The following NHLRC2 variants were observed in gnomAD, a reference collection of about 807,000 sequenced individuals.
The protein encoded by NHLRC2 is NHL repeat-containing protein 2.
In NHLRC2, 33 loss-of-function variants were observed where a neutral mutation model predicts 68.1. The ratio of observed to expected loss-of-function variants is 0.48; its 90% CI spans 0.37 to 0.65. NHLRC2 has a LOEUF of 0.65. NHLRC2 is among the 30% of genes least tolerant of loss of function. The probability of loss-of-function intolerance (pLI) is 0.00; values close to 1 mark genes in which losing one functional copy is unlikely to be tolerated. For synonymous variants in NHLRC2, 311 were observed against 309.6 expected, an observed-to-expected ratio of 1.00 and a Z score of -0.05; for missense variants, 761 against 853.8, an observed-to-expected ratio of 0.89 and a Z score of 1.35.
intron 5 of NHLRC2, among the ~76,000 whole-genome samples, chr10:113,889,039 C>A (rs995725445): frequency 1.3e-5 from 2 of 152,070 alleles, no homozygotes; most frequent in Non-Finnish European, 1.5e-5. Context: ...GTTGGCCAGG[C>A]TGTTCTCTAA....
At position 113,884,166 on chromosome 10, in the gene NHLRC2, A is replaced by G. The variant is rs552510619; in HGVS notation, c.910-85A>G. 1.9e-5 allele frequency: 24 copies of G among 1,248,392 alleles called. No individual in the cohort carries two copies. In the East Asian group the frequency reaches 3.1e-4, roughly 16 times the overall value. The allele number at this position is 1,248,392 out of a possible 1,614,324, so 77.3% of individuals were successfully genotyped here. ...ACTGCACATACACTCTAAATGTTCT[A>G]TTGACTATTGAAAATCTTTACACAG... On this transcript the variant is annotated intron_variant, in intron 4 of 10. Coordinates refer to ENST00000369301, the MANE Select transcript of NHLRC2 (RefSeq NM_198514.4).
chr10:113,865,291 C>A (rs543983968), intron 2 of NHLRC2, among the ~76,000 whole-genome samples: 25 of 142,808 alleles, frequency 1.8e-4, no homozygotes, highest in African/African-American at 5.1e-4. Flanking sequence ...TCCCCCCCCC[C>A]CGTTCCTCTC....
intron 3 of NHLRC2, among the ~76,000 whole-genome samples, chr10:113,878,352 C>A (rs375789507): frequency 2.8e-4 from 42 of 152,072 alleles, no homozygotes; most frequent in African/African-American, 9.9e-4. Context: ...CACTATATGT[C>A]TGGCATTATT....
In NHLRC2 at chr10:113,871,947, A is replaced by G. The variant is rs149474235; in HGVS notation, c.332-4574A>G. Among the ~76,000 whole-genome samples, 832 of 152,330 alleles carry G rather than the reference A, an allele frequency of 5.5e-3. 8 individuals carry two copies. The highest frequency in any genetic ancestry group is 0.018 in the African/African-American group (752 of 41,568). The stretch of plus-strand genomic sequence containing the variant: ...TGTAAGTCTGTGGATGCCAAGAACA[A>G]GTGTAGGGGAGACTTAAAAGACTCC... On this transcript the variant is annotated intron_variant, in intron 2 of 10. Coordinates refer to ENST00000369301, the MANE Select transcript of NHLRC2 (RefSeq NM_198514.4).
chr10:113,904,993 G>A lies in NHLRC2; in HGVS notation c.1881G>A (p.Lys627=). 1 of 1,548,764 alleles carries A rather than the reference G, an allele frequency of 6.5e-7. No individual in the cohort carries two copies. Among genetic ancestry groups the A allele is most frequent in the South Asian group, 1.3e-5 (1 of 79,650 alleles). Residue 627 remains lysine, a synonymous_variant, in exon 10 of 11, where the codon AAG becomes AAA. Transcript: ENST00000369301. The stretch of plus-strand genomic sequence containing the variant: ...GATTAGACCTCCCATCAGGATCAAA[G>A]CTAACTGAAGGAGTATCCAGTTGCT... ...KLRLDLPSGS[K]LTEGVSSCWF...
intron 5 of NHLRC2, 95 bp from the exon 6 acceptor site, chr10:113,898,013 CAT>C (rs1846191056): frequency 1.7e-6 from 1 of 584,998 alleles, no homozygotes. Context: ...GATTCACAAA[CAT>C]ATTGTTATCC....
At chr10:113,889,153 T>C (rs1022162775) in intron 5 of NHLRC2, among the ~76,000 whole-genome samples, 10 of 152,214 alleles carry the variant, frequency 6.6e-5, no homozygotes, top group Middle Eastern at 3.4e-3. Flanking sequence ...TCTAAGTACT[T>C]TAAGACTTTA....
chr10:113,876,775 A>G lies in NHLRC2; in HGVS notation c.586A>G (p.Lys196Glu), dbSNP rs1845985587. The change falls in exon 3 of 11, where the codon AAG (lysine) becomes GAG (glutamate). Residue 196 changes from lysine to glutamate, a missense_variant. By Grantham distance (56) the Lys-to-Glu change is moderately conservative (BLOSUM62 1). Coordinates refer to ENST00000369301, the MANE Select transcript of NHLRC2 (RefSeq NM_198514.4). ...ATTTTTATATACTTCAATTGCTTTA[A>G]AGTATTACAAAGACAGGGGGCAGAT... Reference protein sequence around the residue: ...KLFLYTSIALKYYKDRGQIRD... With the variant: ...KLFLYTSIALEYYKDRGQIRD... 1 of 1,611,380 alleles carries G rather than the reference A, an allele frequency of 6.2e-7. No homozygotes were observed. Among genetic ancestry groups the G allele is most frequent in the South Asian group, 1.1e-5 (1 of 90,996 alleles).
chr10:113,882,142 G>A (rs1171726530), intron 4 of NHLRC2, among the ~76,000 whole-genome samples: 3 of 151,686 alleles, frequency 2.0e-5, no homozygotes, highest in Non-Finnish European at 4.4e-5. Context: ...ATTTTGGGCT[G>A]TTATGAATAA....
At chr10:113,861,324 A>G (rs77092749) in intron 2 of NHLRC2, among the ~76,000 whole-genome samples, 2,540 of 152,342 alleles carry the variant, frequency 0.017, 68 homozygotes, top group African/African-American at 0.056. Context: ...GAAGTTTAGT[A>G]AACTCCAAGT....
At chr10:113,873,057 A>G (rs1845942639) in intron 2 of NHLRC2, among the ~76,000 whole-genome samples, 1 of 152,220 alleles carries the variant, frequency 6.6e-6, no homozygotes, top group African/African-American at 2.4e-5. Flanking sequence ...TAACTTACAA[A>G]GACATGTAAG....
At position 113,854,912 on chromosome 10, in the gene NHLRC2, C is replaced by T; in HGVS notation, c.40C>T (p.Leu14=). The change falls in exon 1 of 11, where the codon CTG becomes TTG. Residue 14 remains leucine, a synonymous_variant. Transcript: ENST00000369301. ...PGGRGRSLSG[L]LPAQTSLEYA... is the part of the protein sequence containing the mutation. ...AGGCCGGGGCCGCAGCCTCTCCGGC[C>T]TGCTCCCCGCGCAGACCTCGCTAGA... is the stretch of plus-strand genomic sequence containing the variant. 1.9e-6 allele frequency: 3 copies of T among 1,552,802 alleles called. No homozygotes were observed. The highest frequency in any genetic ancestry group is 1.4e-5 in the African/African-American group (1 of 73,270).
intron 2 of NHLRC2, 99 bp from the exon 3 acceptor site, chr10:113,876,422 A>G (rs545517337): frequency 6.0e-6 from 4 of 661,950 alleles, no homozygotes; most frequent in East Asian, 5.8e-5. Flanking sequence ...TTTTTAATCT[A>G]TGGACTTTTA....
At position 113,880,140 on chromosome 10, in the gene NHLRC2, T is replaced by C. The variant is rs1004092271; in HGVS notation, c.909+445T>C. Reference sequence around the variant, plus strand: ...CTTGTTTGATTTTATTATGTGTCCTTATTTCTAAAAAGTCAGCTAATACAT... The same window carrying C: ...CTTGTTTGATTTTATTATGTGTCCTCATTTCTAAAAAGTCAGCTAATACAT... On this transcript the variant is annotated intron_variant, in intron 4 of 10. Transcript: ENST00000369301. Among the ~76,000 whole-genome samples the C allele has an allele frequency of 3.3e-5, 5 of 152,092 alleles. No homozygotes were observed. The East Asian group carries it at 9.6e-4, about 29-fold the overall frequency.
chr10:113,872,780 A>T (rs570490818), intron 2 of NHLRC2, among the ~76,000 whole-genome samples: 3 of 149,654 alleles, frequency 2.0e-5, no homozygotes, highest in Admixed American at 6.7e-5. Flanking sequence ...AAAAAAAGTT[A>T]AAAGGTTTAG....
At chr10:113,900,593 T>C (rs1279726882) in intron 6 of NHLRC2, among the ~76,000 whole-genome samples, 1 of 152,202 alleles carries the variant, frequency 6.6e-6, no homozygotes, top group Non-Finnish European at 1.5e-5. Context: ...AGTTATTGTT[T>C]CTCCCTACTC....
chr10:113,876,548 C>T lies in NHLRC2; in HGVS notation c.359C>T (p.Ser120Leu), dbSNP rs745720553. Reference protein sequence around the residue: ...KDGLLIIGVHSAKFPNEKVLD... With the variant: ...KDGLLIIGVHLAKFPNEKVLD... ...GGTCTTCTTATTATTGGTGTTCACT[C>T]GGCTAAGTTTCCAAATGAAAAAGTC... The change falls in exon 3 of 11, where the codon TCG becomes TTG. Residue 120 changes from serine to leucine, a missense_variant. Ser to Leu is a moderately radical substitution (Grantham distance 145). Transcript: ENST00000369301. 8 of 1,605,192 alleles carry T rather than the reference C, an allele frequency of 5.0e-6. No individual in the cohort carries two copies. Among genetic ancestry groups the T allele is most frequent in the Admixed American group, 3.4e-5 (2 of 59,228 alleles).
chr10:113,855,067 G>C lies in NHLRC2; in HGVS notation c.178+17G>C. 2.6e-6 allele frequency: 4 copies of C among 1,548,838 alleles called. No individual in the cohort carries two copies. Among genetic ancestry groups the C allele is most frequent in the South Asian group, 1.2e-5 (1 of 83,990 alleles). On this transcript the variant is annotated intron_variant, in intron 1 of 10. Coordinates refer to ENST00000369301, the MANE Select transcript of NHLRC2 (RefSeq NM_198514.4). ...TTCCGGAAGGTGAGGGGCTGGCGTCGGGGTGGGGGCCCCTCCCGGCACCTC... is the reference window on the plus strand; with the variant it reads ...TTCCGGAAGGTGAGGGGCTGGCGTCCGGGTGGGGGCCCCTCCCGGCACCTC...
intron 2 of NHLRC2, among the ~76,000 whole-genome samples, chr10:113,871,866 C>T (rs1845929201): frequency 6.6e-6 from 1 of 152,138 alleles, no homozygotes; most frequent in Non-Finnish European, 1.5e-5. Flanking sequence ...ATATCATGGC[C>T]TTGACATTAG....
Sources: allele counts gnomAD v4.1 joint callset (sites outside exome capture counted in the v4.1 genomes callset), GRCh38; gene constraint gnomAD v4.1.1; transcripts MANE v1.5; gene names NCBI Gene and HGNC (gene_info 2026-07-23, HGNC 2026-07-21).